PCDHA6: variants seen among roughly 807,000 people sequenced by gnomAD.
PCDHA6 encodes protocadherin alpha-6.
Under a neutral mutation model 60.3 loss-of-function variants are expected in PCDHA6, and 55 were observed. The observed-to-expected ratio is 0.91, with a 90% confidence interval of 0.73 to 1.14. PCDHA6 has a LOEUF of 1.14. Ranked by LOEUF, PCDHA6 falls within the 50% of genes most tolerant of loss-of-function variation. The pLI is 0.00. For synonymous variants in PCDHA6, 652 were observed against 557.9 expected (o/e 1.17, Z -2.38); for missense variants, 1,327 against 1,256.5 (o/e 1.06, Z -0.85).
rs1489202467 is a variant in PCDHA6 at position 140,882,704 on chromosome 5, A to G, written c.2394+52219A>G. ...GAAACGAATAATCATTGCAGAATCTAGACCTCCGGAAACTCGATTTCCACT... is the reference window on the plus strand; with the variant it reads ...GAAACGAATAATCATTGCAGAATCTGGACCTCCGGAAACTCGATTTCCACT... On this transcript the variant is annotated intron_variant, in intron 1 of 3. Coordinates refer to ENST00000529310, the MANE Select transcript of PCDHA6 (RefSeq NM_018909.4). 6 of 1,614,110 alleles carry G rather than the reference A, an allele frequency of 3.7e-6. No individual in the cohort carries two copies. The African/African-American group carries it at 8.0e-5, about 22-fold the overall frequency.
At chr5:140,850,698 GGC>G in intron 1 of PCDHA6, 1 of 1,598,220 alleles carries the variant, frequency 6.3e-7, no homozygotes, top group Non-Finnish European at 8.6e-7. Context: ...GTGCGCGCCT[GGC>G]AAGCCGACGC....
chr5:140,868,708 A>C, intron 1 of PCDHA6: 1 of 186,682 alleles, frequency 5.4e-6, no homozygotes, highest in Non-Finnish European at 1.1e-5. Context: ...CATAGACACA[A>C]TAATTTAAAT....
chr5:140,838,830 G>T lies in PCDHA6; in HGVS notation c.2394+8345G>T, dbSNP rs2150292809. 1.2e-3 allele frequency among the ~76,000 whole-genome samples: 185 copies of T among 152,000 alleles called. 4 individuals carry two copies. Among genetic ancestry groups the T allele is most frequent in the African/African-American group, 4.4e-3 (182 of 41,426 alleles). ...TCAGCTACTCAAGAAACTGAGGTGG[G>T]AGGATCACTTAAGCCAGGGAGGTCC... On this transcript the variant is annotated intron_variant, in intron 1 of 3. Transcript: ENST00000529310.
chr5:140,866,238 A>G (rs1317266389), intron 1 of PCDHA6: 2 of 152,166 alleles, frequency 1.3e-5, no homozygotes, highest in Admixed American at 1.3e-4. Context: ...ACTATATACC[A>G]AAAATGACAC....
chr5:140,892,061 T>C (rs1445819046), intron 1 of PCDHA6, among the ~76,000 whole-genome samples: 1 of 152,254 alleles, frequency 6.6e-6, no homozygotes, highest in Non-Finnish European at 1.5e-5. Context: ...AATTTATTGT[T>C]ACTTTGTATA....
At chr5:140,831,922 C>T (rs186638851) in intron 1 of PCDHA6, among the ~76,000 whole-genome samples, 62 of 152,254 alleles carry the variant, frequency 4.1e-4, no homozygotes, top group Middle Eastern at 3.4e-3. Flanking sequence ...AAAAAATTTG[C>T]TACTAGTTTT....
chr5:140,897,970 G>A (rs561364842), intron 1 of PCDHA6, among the ~76,000 whole-genome samples: 10 of 152,210 alleles, frequency 6.6e-5, no homozygotes, highest in Admixed American at 2.6e-4. Context: ...TGTGTCTTTT[G>A]GCTGCATAAA....
At chr5:140,978,907 G>A (rs782602741) in intron 1 of PCDHA6, 42 bp from the exon 2 acceptor site, 3 of 1,613,766 alleles carry the variant, frequency 1.9e-6, no homozygotes, top group South Asian at 2.2e-5. Context: ...GGAGAACATT[G>A]TCTTGTCATT....
rs2150530468 is a variant in PCDHA6 at position 140,853,294 on chromosome 5, A to G, written c.2394+22809A>G. On this transcript the variant is annotated intron_variant, in intron 1 of 3. Coordinates refer to ENST00000529310, the MANE Select transcript of PCDHA6 (RefSeq NM_018909.4). The stretch of plus-strand genomic sequence containing the variant: ...CTCTCATCATATGCAAATTCTCAGA[A>G]GGGCTGTGAACACCTTAGTAATAAA... 2 of 982,066 alleles carry G rather than the reference A, an allele frequency of 2.0e-6. 1 individual carries two copies. Among genetic ancestry groups the G allele is most frequent in the Non-Finnish European group, 2.5e-6 (2 of 814,606 alleles). 60.8% of individuals were successfully genotyped at this position (982,066 alleles called of 1,614,324 possible). A position where few individuals can be genotyped will look rare whatever the true frequency, so the allele number is the denominator to read the frequency against.
At chr5:140,936,184 C>T (rs572832347) in intron 1 of PCDHA6, among the ~76,000 whole-genome samples, 4 of 152,308 alleles carry the variant, frequency 2.6e-5, no homozygotes, top group African/African-American at 4.8e-5. Context: ...TAAACCACCA[C>T]GCCCAGCCAA....
In PCDHA6 at chr5:140,836,149, A is replaced by C. The variant is rs1463857547; in HGVS notation, c.2394+5664A>C. On this transcript the variant is annotated intron_variant, in intron 1 of 3. Coordinates refer to ENST00000529310, the MANE Select transcript of PCDHA6 (RefSeq NM_018909.4). Reference sequence around the variant, plus strand: ...GTGCCGCGGTCTGTGGGCGCGGGCCATGTGGTGGCGAAGGTACGTGCAGTT... The same window carrying C: ...GTGCCGCGGTCTGTGGGCGCGGGCCCTGTGGTGGCGAAGGTACGTGCAGTT... The C allele has an allele frequency of 1.2e-6, 2 of 1,613,636 alleles. No homozygotes were observed. The highest frequency in any genetic ancestry group is 1.7e-6 in the Non-Finnish European group (2 of 1,179,796).
At chr5:140,872,614 T>G (rs1001550468) in intron 1 of PCDHA6, among the ~76,000 whole-genome samples, 1 of 152,320 alleles carries the variant, frequency 6.6e-6, no homozygotes, top group Admixed American at 6.5e-5. Flanking sequence ...TAATTTTTTT[T>G]GCCTGTTCTT....
At chr5:140,840,253 T>C (rs1554137747) in intron 1 of PCDHA6, among the ~76,000 whole-genome samples, 1 of 151,988 alleles carries the variant, frequency 6.6e-6, no homozygotes, top group Non-Finnish European at 1.5e-5. Context: ...GCTATAAAAA[T>C]TGTGATTTTT....
At chr5:140,905,990 G>A (rs569951946) in intron 1 of PCDHA6, among the ~76,000 whole-genome samples, 5 of 152,280 alleles carry the variant, frequency 3.3e-5, no homozygotes, top group Admixed American at 1.3e-4. Flanking sequence ...GAAAGATGTA[G>A]GCTGGGAGGC....
chr5:140,869,233 T>G (rs782097851), intron 1 of PCDHA6: 7 of 1,613,700 alleles, frequency 4.3e-6, no homozygotes, highest in Non-Finnish European at 5.9e-6. Context: ...ACACGGCACC[T>G]TCGTGGGCCG....
chr5:140,899,752 A>G lies in PCDHA6; in HGVS notation c.2394+69267A>G, dbSNP rs190521600. On this transcript the variant is annotated intron_variant, in intron 1 of 3. Transcript: ENST00000529310. ...ATTGATTGGAATAGTTTCAGAAGGA[A>G]TGGTACCAGTTCCTCCTTTTACCTC... Among the ~76,000 whole-genome samples the G allele has an allele frequency of 4.0e-4, 61 of 152,320 alleles. No homozygotes were observed. The East Asian group carries it at 8.7e-3, about 22-fold the overall frequency.
At chr5:140,928,603 C>T in intron 1 of PCDHA6, 2 of 1,614,208 alleles carry the variant, frequency 1.2e-6, no homozygotes, top group Admixed American at 3.3e-5. Context: ...GGAAATTGTG[C>T]CCCGCTCTGC....
intron 1 of PCDHA6, chr5:140,967,010 C>G: frequency 6.2e-7 from 1 of 1,606,340 alleles, no homozygotes. Flanking sequence ...CATCAACCAT[C>G]TGGGTGCGCC....
intron 1 of PCDHA6, chr5:140,867,128 A>G (rs1328487179): frequency 2.0e-5 from 3 of 152,164 alleles, no homozygotes; most frequent in African/African-American, 4.8e-5. Flanking sequence ...TAATTCAAAT[A>G]TGTGATATTA....
Sources: allele counts gnomAD v4.1 joint callset (sites outside exome capture counted in the v4.1 genomes callset), GRCh38; gene constraint gnomAD v4.1.1; transcripts MANE v1.5; gene names NCBI Gene and HGNC (gene_info 2026-07-23, HGNC 2026-07-21).